Variants in RALYL observed in about 807,000 individuals in gnomAD.
RALYL encodes RALY RNA binding protein like.
In RALYL, 29 loss-of-function variants were observed where a neutral mutation model predicts 35.1. The ratio of observed to expected loss-of-function variants is 0.83; its 90% CI spans 0.61 to 1.13. The LOEUF is 1.13. Ranked by LOEUF, RALYL falls within the 50% of genes most tolerant of loss-of-function variation. The probability of loss-of-function intolerance (pLI) is 0.00; values close to 1 mark genes in which losing one functional copy is unlikely to be tolerated. For missense variants in RALYL, 359 were observed against 360.4 expected, an observed-to-expected ratio of 1.00 and a Z score of 0.03; for synonymous variants, 120 against 127.6, an observed-to-expected ratio of 0.94 and a Z score of 0.40.
intron 1 of RALYL, among the ~76,000 whole-genome samples, chr8:84,488,184 A>C (rs779220569): frequency 6.6e-6 from 1 of 152,102 alleles, no homozygotes; most frequent in Non-Finnish European, 1.5e-5. Context: ...TGATTGTAAC[A>C]AATATGATTT....
At chr8:84,531,909 G>T (rs2059302115) in intron 2 of RALYL, among the ~76,000 whole-genome samples, 1 of 151,926 alleles carries the variant, frequency 6.6e-6, no homozygotes, top group Non-Finnish European at 1.5e-5. Flanking sequence ...AAAAAATGAT[G>T]ACACCAAATT....
In RALYL at chr8:84,510,411, A is replaced by G. The variant is rs182191236; in HGVS notation, c.-23-18888A>G. On this transcript the variant is annotated intron_variant, in intron 1 of 8. Transcript: ENST00000521268. ...CATCTGTGAGTCTCAATACTCCACA[A>G]AGTGTCTAAAACCCTGGAGTATCAT... 1.9e-3 allele frequency among the ~76,000 whole-genome samples: 292 copies of G among 152,276 alleles called. 5 individuals are homozygous for G. The highest frequency in any genetic ancestry group is 0.015 in the Admixed American group (224 of 15,290).
At chr8:84,789,040 C>T (rs986503338) in intron 3 of RALYL, among the ~76,000 whole-genome samples, 11 of 152,076 alleles carry the variant, frequency 7.2e-5, no homozygotes, top group Non-Finnish European at 1.2e-4. Flanking sequence ...AAGGACATAG[C>T]GTGTGTGAGC....
intron 3 of RALYL, among the ~76,000 whole-genome samples, chr8:84,780,595 C>T (rs1231967969): frequency 6.6e-6 from 1 of 152,100 alleles, no homozygotes; most frequent in Non-Finnish European, 1.5e-5. Context: ...TTTATGTGTG[C>T]TTGTTCAGTT....
At chr8:84,493,900 T>C (rs772285326) in intron 1 of RALYL, among the ~76,000 whole-genome samples, 1 of 152,142 alleles carries the variant, frequency 6.6e-6, no homozygotes, top group Non-Finnish European at 1.5e-5. Context: ...AGAAGCTCTT[T>C]AGTTTAATTA....
intron 2 of RALYL, among the ~76,000 whole-genome samples, chr8:84,570,634 G>GTGTGCCAGTTCT (rs1444996598): frequency 6.6e-6 from 1 of 151,792 alleles, no homozygotes; most frequent in Non-Finnish European, 1.5e-5. Context: ...GGAGTGAGGA[G>GTGTGCCAGTTCT]TGTGCCAGTT....
At chr8:84,650,031 C>G (rs921392495) in intron 2 of RALYL, among the ~76,000 whole-genome samples, 1 of 151,992 alleles carries the variant, frequency 6.6e-6, no homozygotes, top group Non-Finnish European at 1.5e-5. Context: ...GTATTTTATT[C>G]TCTTTGAAGC....
chr8:84,446,519 G>C lies in RALYL; in HGVS notation c.-23-82780G>C, dbSNP rs75299738. Among the ~76,000 whole-genome samples the C allele has an allele frequency of 8.4e-3, 1,284 of 152,108 alleles. 9 individuals are homozygous for C. The highest frequency in any genetic ancestry group is 0.028 in the African/African-American group (1,176 of 41,516). ...TGCTGTCTCATGGACCATCTGTATG[G>C]GATTGGGCAAGTCATGTTTCTTCCT... On this transcript the variant is annotated intron_variant, in intron 1 of 8. Coordinates refer to ENST00000521268, the MANE Select transcript of RALYL (RefSeq NM_173848.7).
At chr8:84,554,391 T>C (rs977046184) in intron 2 of RALYL, among the ~76,000 whole-genome samples, 1 of 152,240 alleles carries the variant, frequency 6.6e-6, no homozygotes, top group South Asian at 2.1e-4. Flanking sequence ...ATGGTGTTAA[T>C]TGTTGTCTAG....
At chr8:84,688,645 G>T (rs1020038335) in intron 2 of RALYL, among the ~76,000 whole-genome samples, 1 of 152,004 alleles carries the variant, frequency 6.6e-6, no homozygotes, top group Admixed American at 6.6e-5. Context: ...TAGGGAAAAA[G>T]CTTTTTTTAC....
At chr8:84,875,337 T>C (rs1473328327) in intron 7 of RALYL, among the ~76,000 whole-genome samples, 5 of 152,182 alleles carry the variant, frequency 3.3e-5, no homozygotes, top group Non-Finnish European at 7.4e-5. Flanking sequence ...ATAAATCACC[T>C]CAAAGAGAAA....
At chr8:84,878,234 A>C (rs1841534251) in intron 7 of RALYL, among the ~76,000 whole-genome samples, 1 of 152,178 alleles carries the variant, frequency 6.6e-6, no homozygotes, top group Non-Finnish European at 1.5e-5. Flanking sequence ...CAATAAGGAA[A>C]CTTGAGAGCA....
At chr8:84,918,403 A>C (rs1848804775) in intron 8 of RALYL, among the ~76,000 whole-genome samples, 1 of 152,014 alleles carries the variant, frequency 6.6e-6, no homozygotes, top group Non-Finnish European at 1.5e-5. Flanking sequence ...GTTCAATACA[A>C]TCCAGTCCCA....
chr8:84,510,904 T>C (rs1321993690), intron 1 of RALYL, among the ~76,000 whole-genome samples: 1 of 152,178 alleles, frequency 6.6e-6, no homozygotes, highest in East Asian at 1.9e-4. Flanking sequence ...AGCTAATTAA[T>C]AGATCAATCA....
At chr8:84,733,535 A>G (rs1386913606) in intron 2 of RALYL, among the ~76,000 whole-genome samples, 1 of 152,152 alleles carries the variant, frequency 6.6e-6, no homozygotes, top group African/African-American at 2.4e-5. Context: ...ACAAAGTTAA[A>G]GTCCTAAATA....
At chr8:84,369,043 G>A (rs1387411177) in intron 1 of RALYL, among the ~76,000 whole-genome samples, 2 of 152,118 alleles carry the variant, frequency 1.3e-5, no homozygotes, top group African/African-American at 2.4e-5. Flanking sequence ...ATATGCATAA[G>A]GGATTTTGAA....
At chr8:84,631,993 C>G (rs1278649845) in intron 2 of RALYL, among the ~76,000 whole-genome samples, 2 of 151,824 alleles carry the variant, frequency 1.3e-5, no homozygotes, top group Non-Finnish European at 1.5e-5. Flanking sequence ...ACCCCCCTGC[C>G]AAATTCATAC....
At chr8:84,735,637 A>T (rs898915331) in intron 2 of RALYL, among the ~76,000 whole-genome samples, 2 of 151,962 alleles carry the variant, frequency 1.3e-5, no homozygotes, top group Non-Finnish European at 2.9e-5. Flanking sequence ...CAGCCCACTT[A>T]ACTGGAACAC....
chr8:84,817,051 G>C (rs563648346), intron 4 of RALYL, among the ~76,000 whole-genome samples: 1 of 152,236 alleles, frequency 6.6e-6, no homozygotes, highest in Admixed American at 6.5e-5. Flanking sequence ...AGCCTGGATC[G>C]CCTAAGTCCT....
Sources: gnomAD v4.1 joint callset for allele counts (sites outside exome capture counted in the v4.1 genomes callset) on GRCh38, gnomAD v4.1.1 for gene constraint, MANE v1.5 for transcripts, NCBI Gene and HGNC (gene_info 2026-07-23, HGNC 2026-07-21) for gene names.